Variants in DNAH14 observed in about 807,000 individuals in gnomAD.
The protein encoded by DNAH14 is axonemal beta dynein heavy chain 14.
Under a neutral mutation model 520.9 loss-of-function variants are expected in DNAH14, and 478 were observed. The observed-to-expected ratio is 0.92, with a 90% CI of 0.85 to 0.99. DNAH14 has a LOEUF of 0.99. Among genes scored for constraint, DNAH14 ranks in the 50% least tolerant of loss-of-function variants. The pLI, the probability that DNAH14 is intolerant of heterozygous loss-of-function variation, is 0.00. For missense variants in DNAH14, 4,831 were observed against 5,234.5 expected, an observed-to-expected ratio of 0.92 and a Z score of 2.38; for synonymous variants, 1,581 against 1,757.2, an observed-to-expected ratio of 0.90 and a Z score of 2.51.
chr1:224,941,266 C>T (rs1428049086), intron 1 of DNAH14, among the ~76,000 whole-genome samples: 1 of 152,054 alleles, frequency 6.6e-6, no homozygotes, highest in Non-Finnish European at 1.5e-5. Flanking sequence ...TCTCTGATGG[C>T]CAGTGATGAT....
At chr1:225,335,553 ATATGTACATCTATG>A (rs2094960974) in intron 66 of DNAH14, among the ~76,000 whole-genome samples, 1 of 148,954 alleles carries the variant, frequency 6.7e-6, no homozygotes, top group Non-Finnish European at 1.5e-5. Flanking sequence ...ACGTATATAC[ATATGTACATCTATG>A]TATATACGCA....
At chr1:225,396,165 T>C (rs6426066) in intron 84 of DNAH14, 102,167 of 151,948 alleles carry the variant, frequency 0.67, 36,973 homozygotes, top group East Asian at 0.85. Flanking sequence ...ATCAGGTGAC[T>C]GCTTGGCAAG....
At position 225,291,502 on chromosome 1, in the gene DNAH14, G is replaced by A. The variant is rs1190108640; in HGVS notation, c.8469+1420G>A. Among the ~76,000 whole-genome samples the A allele has an allele frequency of 5.9e-5, 9 of 151,958 alleles. No homozygotes were observed. The South Asian group carries it at 1.2e-3, about 21-fold the overall frequency. ...TGCAATCATGGCTCACTGAAGCCCCGACCTCCGAGGCTCAAGTGATCCTCC... is the reference window on the plus strand; with the variant it reads ...TGCAATCATGGCTCACTGAAGCCCCAACCTCCGAGGCTCAAGTGATCCTCC... On this transcript the variant is annotated intron_variant, in intron 55 of 85. Transcript: ENST00000682510.
chr1:225,097,892 T>C (rs2075128775), intron 22 of DNAH14, among the ~76,000 whole-genome samples: 1 of 152,218 alleles, frequency 6.6e-6, no homozygotes, highest in African/African-American at 2.4e-5. Flanking sequence ...TTTAGTAGCA[T>C]TCATACATTA....
chr1:225,148,343 A>G (rs1001093556), intron 31 of DNAH14, among the ~76,000 whole-genome samples: 11 of 147,624 alleles, frequency 7.5e-5, no homozygotes, highest in African/African-American at 2.8e-4. Flanking sequence ...GATGTGAGAT[A>G]GTATCTCATT....
At chr1:225,166,894 A>G (rs944064599) in intron 35 of DNAH14, among the ~76,000 whole-genome samples, 9 of 152,240 alleles carry the variant, frequency 5.9e-5, no homozygotes, top group Non-Finnish European at 4.4e-5. Context: ...ATTCCAAAGT[A>G]AGAAATTTGT....
chr1:225,001,926 A>G (rs2063802708), intron 8 of DNAH14, among the ~76,000 whole-genome samples: 1 of 152,130 alleles, frequency 6.6e-6, no homozygotes, highest in Non-Finnish European at 1.5e-5. Context: ...GTTCTTTAAG[A>G]TAAATAGTAC....
rs1355847206 is a variant in DNAH14 at position 225,192,910 on chromosome 1, A to G, written c.5885A>G (p.Asn1962Ser). 1.3e-6 allele frequency: 2 copies of G among 1,542,906 alleles called. No individual in the cohort carries two copies. Among genetic ancestry groups the G allele is most frequent in the East Asian group, 2.5e-5 (1 of 40,716 alleles). Residue 1962 changes from asparagine (N) to serine (S), a missense_variant and splice_region_variant, in exon 38 of 86, where the codon AAT (asparagine) becomes AGT (serine). Asn to Ser is a conservative substitution (Grantham distance 46, BLOSUM62 1). Transcript: ENST00000682510. Reference protein sequence around the residue: ...RLKSRISDLSNVFKLDSSDTT... With the variant: ...RLKSRISDLSSVFKLDSSDTT... ...AAGTCAAGAATCTCAGATTTATCCA[A>G]TGTAAGTTTAGTATTGAATGAATGT...
intron 27 of DNAH14, among the ~76,000 whole-genome samples, chr1:225,139,370 T>C (rs1260992205): frequency 6.6e-6 from 1 of 152,248 alleles, no homozygotes; most frequent in East Asian, 1.9e-4. Flanking sequence ...AAATACTTTA[T>C]GATAGACTTC....
intron 15 of DNAH14, among the ~76,000 whole-genome samples, chr1:225,049,345 G>T (rs1424743282): frequency 6.6e-6 from 1 of 151,810 alleles, no homozygotes; most frequent in Non-Finnish European, 1.5e-5. Flanking sequence ...ACATGCAGGG[G>T]CCACCACACC....
Position 225,123,618 on chromosome 1 carries a change from A to T in DNAH14, c.4254+4A>T, listed in dbSNP as rs1229805391. 2.4e-6 allele frequency: 1 copy of T among 411,100 alleles called. No individual in the cohort carries two copies. Among genetic ancestry groups the T allele is most frequent in the Non-Finnish European group, 5.1e-6 (1 of 196,984 alleles). The allele number at this position is 411,100 out of a possible 1,614,324, so 25.5% of individuals were successfully genotyped here. A position where few individuals can be genotyped will look rare whatever the true frequency, so the allele number is the denominator to read the frequency against. On this transcript the variant is annotated splice_donor_region_variant and intron_variant, in intron 27 of 85. Transcript: ENST00000682510. ...AGGACAAGTGGTACTTACTGTGGTA[A>T]GTTAATGCTGCTTTGATGTATGTAT...
chr1:225,347,179 T>G (rs1180530880), intron 71 of DNAH14, among the ~76,000 whole-genome samples: 1 of 152,228 alleles, frequency 6.6e-6, no homozygotes, highest in Non-Finnish European at 1.5e-5. Context: ...GTTGTTATGC[T>G]GTGTTGTAAG....
At chr1:225,352,780 GC>G (rs2150482381) in intron 72 of DNAH14, among the ~76,000 whole-genome samples, 1 of 151,700 alleles carries the variant, frequency 6.6e-6, no homozygotes, top group African/African-American at 2.4e-5. Flanking sequence ...TATGCTATAT[GC>G]GTTTAAATGT....
chr1:224,961,421 G>C (rs72746950), intron 4 of DNAH14: 3 of 152,184 alleles, frequency 2.0e-5, no homozygotes, highest in Non-Finnish European at 4.4e-5. Context: ...CCTGAGACAG[G>C]GTATTTTATA....
chr1:225,213,249 T>C (rs2088731012), intron 41 of DNAH14, among the ~76,000 whole-genome samples: 1 of 152,204 alleles, frequency 6.6e-6, no homozygotes, highest in African/African-American at 2.4e-5. Flanking sequence ...GGGGGCTCTA[T>C]TCTGTTCCAT....
intron 48 of DNAH14, among the ~76,000 whole-genome samples, chr1:225,266,328 A>G (rs1215062642): frequency 6.6e-6 from 1 of 152,188 alleles, no homozygotes; most frequent in African/African-American, 2.4e-5. Flanking sequence ...TGTAATAGCC[A>G]TAAATATATT....
At chr1:224,967,824 T>C in intron 6 of DNAH14, 1 of 1,328,960 alleles carries the variant, frequency 7.5e-7, no homozygotes, top group Non-Finnish European at 9.6e-7. Flanking sequence ...AAATACTTTG[T>C]TAATACTTGG....
intron 4 of DNAH14, among the ~76,000 whole-genome samples, chr1:224,961,982 TA>T (rs1459089128): frequency 6.6e-6 from 1 of 152,176 alleles, no homozygotes; most frequent in Non-Finnish European, 1.5e-5. Context: ...CATGAATATG[TA>T]AACTGATAAA....
At chr1:225,204,675 G>T (rs1196543487) in intron 39 of DNAH14, among the ~76,000 whole-genome samples, 1 of 152,124 alleles carries the variant, frequency 6.6e-6, no homozygotes, top group Non-Finnish European at 1.5e-5. Context: ...TATCTAAAAT[G>T]AACTGCACAC....
Sources: allele counts gnomAD v4.1 joint callset (sites outside exome capture counted in the v4.1 genomes callset), GRCh38; gene constraint gnomAD v4.1.1; transcripts MANE v1.5; gene names NCBI Gene and HGNC (gene_info 2026-07-23, HGNC 2026-07-21).